The following MACROD2 variants were observed in gnomAD, a reference collection of about 807,000 sequenced individuals.
The protein encoded by MACROD2 is ADP-ribose glycohydrolase MACROD2.
In MACROD2, 36 loss-of-function variants were observed where a neutral mutation model predicts 70.4. The observed-to-expected ratio is 0.51, with a 90% CI of 0.39 to 0.68. MACROD2 has a LOEUF of 0.68. Ranked by LOEUF, MACROD2 falls within the 30% of genes least tolerant of loss-of-function variation. MACROD2 has a pLI of 0.00. For missense variants in MACROD2, 496 were observed against 538.4 expected (o/e 0.92, Z 0.78); for synonymous variants, 172 against 178.8 (o/e 0.96, Z 0.30).
chr20:15,354,754 A>C lies in MACROD2; in HGVS notation c.541-76651A>C, dbSNP rs1417909600. ...GAATAAGTTACTTTCACTGAAATTGATGGATTATTATGCAGCCATTACATG... is the reference window on the plus strand; with the variant it reads ...GAATAAGTTACTTTCACTGAAATTGCTGGATTATTATGCAGCCATTACATG... On this transcript the variant is annotated intron_variant, in intron 6 of 17. Transcript: ENST00000684519. Among the ~76,000 whole-genome samples, 3 of 152,348 alleles carry C rather than the reference A, an allele frequency of 2.0e-5. No individual in the cohort carries two copies. The East Asian group carries it at 5.8e-4, about 29-fold the overall frequency.
intron 5 of MACROD2, among the ~76,000 whole-genome samples, chr20:15,037,066 C>T (rs1023151440): frequency 1.3e-5 from 2 of 151,954 alleles, no homozygotes; most frequent in Non-Finnish European, 2.9e-5. Context: ...AAGTCTCCTG[C>T]TTAGCTTATC....
rs1568534687 is a variant in MACROD2, at chr20:15,021,142, G to GTA, written c.419-208797_419-208796insAT. Among the ~76,000 whole-genome samples the GTA allele has an allele frequency of 2.6e-4, 34 of 130,116 alleles. 1 individual carries two copies. The highest frequency in any genetic ancestry group is 2.2e-3 in the Admixed American group (30 of 13,866). 85.4% of individuals were successfully genotyped at this position (130,116 alleles called of 152,430 possible). ...TACACGTGTGTATACACATACGTGT[G>GTA]TGTATACACACACCTGTGTGTATGT... On this transcript the variant is annotated intron_variant, in intron 5 of 17. Transcript: ENST00000684519.
intron 15 of MACROD2, among the ~76,000 whole-genome samples, chr20:16,013,115 G>A (rs1249539911): frequency 6.6e-6 from 1 of 152,138 alleles, no homozygotes; most frequent in African/African-American, 2.4e-5. Flanking sequence ...AGGAGGCAGA[G>A]GTTGCAGTGA....
chr20:14,927,463 T>C (rs964891056), intron 5 of MACROD2, among the ~76,000 whole-genome samples: 7 of 152,176 alleles, frequency 4.6e-5, no homozygotes, highest in African/African-American at 1.4e-4. Context: ...CCAGAAACTC[T>C]GGCACAGCTC....
chr20:14,334,321 ATTTTC>A (rs1293913457), intron 3 of MACROD2, among the ~76,000 whole-genome samples: 3 of 152,188 alleles, frequency 2.0e-5, no homozygotes, highest in East Asian at 1.9e-4. Flanking sequence ...GTGTATACCT[ATTTTC>A]TTAAGAGGAA....
At position 14,791,803 on chromosome 20, in the gene MACROD2, A is replaced by G. The variant is rs1600668199; in HGVS notation, c.418+106844A>G. Among the ~76,000 whole-genome samples, 3 of 151,892 alleles carry G rather than the reference A, an allele frequency of 2.0e-5. No individual in the cohort carries two copies. The East Asian group carries it at 5.8e-4, about 29-fold the overall frequency. ...ATATAAACAATGTATAAATATGAATACACTCCTATTTTGTTAATATATACA... is the reference window on the plus strand; with the variant it reads ...ATATAAACAATGTATAAATATGAATGCACTCCTATTTTGTTAATATATACA... On this transcript the variant is annotated intron_variant, in intron 5 of 17. Transcript: ENST00000684519.
At chr20:14,012,098 G>C (rs1391061137) in intron 2 of MACROD2, among the ~76,000 whole-genome samples, 1 of 151,776 alleles carries the variant, frequency 6.6e-6, no homozygotes, top group Non-Finnish European at 1.5e-5. Context: ...GTAGAGATGG[G>C]GTTTCGCCAC....
chr20:15,948,595 CCCAAGACTTTT>C (rs1386379284), intron 12 of MACROD2, among the ~76,000 whole-genome samples: 1 of 151,962 alleles, frequency 6.6e-6, no homozygotes, highest in Non-Finnish European at 1.5e-5. Context: ...TACATTCAAG[CCCAAGACTTTT>C]CCTATTTGTT....
chr20:14,899,993 T>C (rs2073876672), intron 5 of MACROD2, among the ~76,000 whole-genome samples: 1 of 152,178 alleles, frequency 6.6e-6, no homozygotes. Context: ...TTCCTAAAAA[T>C]ATTCCTGGTT....
chr20:15,322,319 T>G (rs1165820438), intron 6 of MACROD2, among the ~76,000 whole-genome samples: 1 of 143,790 alleles, frequency 7.0e-6, no homozygotes, highest in African/African-American at 2.5e-5. Context: ...AGAGAATGCC[T>G]GGGTGGGACG....
At chr20:15,426,786 A>G (rs1012235480) in intron 6 of MACROD2, among the ~76,000 whole-genome samples, 2 of 152,128 alleles carry the variant, frequency 1.3e-5, no homozygotes, top group African/African-American at 4.8e-5. Flanking sequence ...AGTTATGTGC[A>G]ACACCTGGCA....
At chr20:14,384,798 A>G (rs1241441683) in intron 3 of MACROD2, among the ~76,000 whole-genome samples, 1 of 152,148 alleles carries the variant, frequency 6.6e-6, no homozygotes, top group Admixed American at 6.5e-5. Context: ...TGCTAAGTGA[A>G]ATTAAACAGC....
intron 3 of MACROD2, among the ~76,000 whole-genome samples, chr20:14,128,860 T>C (rs1382903060): frequency 6.6e-6 from 1 of 152,176 alleles, no homozygotes; most frequent in African/African-American, 2.4e-5. Flanking sequence ...GCATATCAAT[T>C]TGTGGCATGG....
At chr20:14,383,918 T>C (rs560709159) in intron 3 of MACROD2, among the ~76,000 whole-genome samples, 1 of 152,286 alleles carries the variant, frequency 6.6e-6, no homozygotes, top group Admixed American at 6.5e-5. Context: ...CATTAAATCA[T>C]TTACCAGGGT....
intron 5 of MACROD2, among the ~76,000 whole-genome samples, chr20:14,739,411 A>G (rs535499184): frequency 6.6e-6 from 1 of 152,030 alleles, no homozygotes; most frequent in Non-Finnish European, 1.5e-5. Context: ...GGTAAAATAT[A>G]AAAGATTATA....
At chr20:14,576,896 A>G (rs565990223) in intron 4 of MACROD2, among the ~76,000 whole-genome samples, 1 of 152,252 alleles carries the variant, frequency 6.6e-6, no homozygotes, top group Admixed American at 6.5e-5. Flanking sequence ...ATTTGAACCT[A>G]TCTTTAGTAA....
chr20:14,709,594 T>G (rs1271679585), intron 5 of MACROD2, among the ~76,000 whole-genome samples: 1 of 152,168 alleles, frequency 6.6e-6, no homozygotes, highest in Non-Finnish European at 1.5e-5. Flanking sequence ...AAAAGGCATA[T>G]TGTTCATAAA....
chr20:15,754,025 A>T (rs2051310553), intron 8 of MACROD2, among the ~76,000 whole-genome samples: 1 of 152,250 alleles, frequency 6.6e-6, no homozygotes, highest in Non-Finnish European at 1.5e-5. Context: ...GATCAAGCTT[A>T]TAAAAAAATG....
chr20:15,270,991 T>A (rs2077341333), intron 6 of MACROD2, among the ~76,000 whole-genome samples: 1 of 152,254 alleles, frequency 6.6e-6, no homozygotes, highest in Admixed American at 6.5e-5. Flanking sequence ...TGACATAGGC[T>A]AGTTTTTGTA....
Sources: allele counts gnomAD v4.1 joint callset (sites outside exome capture counted in the v4.1 genomes callset), GRCh38; gene constraint gnomAD v4.1.1; transcripts MANE v1.5; gene names NCBI Gene and HGNC (gene_info 2026-07-23, HGNC 2026-07-21).